The following CDH18 variants were observed in gnomAD, a reference collection of about 807,000 sequenced individuals.
CDH18 encodes the protein cadherin 18.
CDH18 carries 31 observed loss-of-function variants against 67.9 expected under a neutral mutation model. The observed-to-expected ratio is 0.46, with a 90% CI of 0.34 to 0.62. CDH18 has a LOEUF of 0.62. Ranked by LOEUF, CDH18 falls within the 20% of genes least tolerant of loss-of-function variation. CDH18 has a pLI of 0.01. For synonymous variants in CDH18, 362 were observed against 347.2 expected (o/e 1.04, Z -0.48); for missense variants, 890 against 975.5 (o/e 0.91, Z 1.17).
intron 1 of CDH18, among the ~76,000 whole-genome samples, chr5:20,419,986 T>C (rs1747731152): frequency 1.3e-5 from 2 of 151,104 alleles, no homozygotes; most frequent in African/African-American, 4.9e-5. Flanking sequence ...ATATTTTCGA[T>C]TTATCCAACA....
chr5:20,210,568 T>C lies in CDH18; in HGVS notation c.-518+44876A>G, dbSNP rs969267578. 9.2e-5 allele frequency among the ~76,000 whole-genome samples: 14 copies of C among 151,982 alleles called. 1 individual carries two copies. Among genetic ancestry groups the C allele is most frequent in the African/African-American group, 3.1e-4 (13 of 41,448 alleles). ...TTTTAAATTTGCTTTTGAGTAGTAGTTCTGAAATTATTTAAGGTTTTGATA... is the reference window on the plus strand; with the variant it reads ...TTTTAAATTTGCTTTTGAGTAGTAGCTCTGAAATTATTTAAGGTTTTGATA... On this transcript the variant is annotated intron_variant, in intron 2 of 14. Coordinates refer to the CDH18 transcript ENST00000507958.
chr5:20,429,236 T>G (rs10062513), intron 1 of CDH18, among the ~76,000 whole-genome samples: 2 of 151,962 alleles, frequency 1.3e-5, no homozygotes, highest in Non-Finnish European at 2.9e-5. Flanking sequence ...AACACTTTTC[T>G]TACCACAAGG....
In CDH18 at chr5:20,192,104, G is replaced by T. The variant is rs370957914; in HGVS notation, c.-518+63340C>A. On this transcript the variant is annotated intron_variant, in intron 2 of 14. Transcript: ENST00000507958. ...TGGTTTTGATTTGCATTTCTCTGAT[G>T]ATCAGTGATATTGAGCTTTTTTTCA... Among the ~76,000 whole-genome samples the T allele has an allele frequency of 3.0e-4, 45 of 151,988 alleles. No homozygotes were observed. In the East Asian group the frequency reaches 4.1e-3, roughly 14 times the overall value.
intron 9 of CDH18, among the ~76,000 whole-genome samples, chr5:19,537,000 T>A (rs1469251800): frequency 6.6e-6 from 1 of 152,216 alleles, no homozygotes; most frequent in Non-Finnish European, 1.5e-5. Context: ...CAGTCTATGG[T>A]ACTGTGATGG....
chr5:19,952,994 T>C (rs367555675), intron 2 of CDH18, among the ~76,000 whole-genome samples: 10 of 152,030 alleles, frequency 6.6e-5, no homozygotes, highest in African/African-American at 2.4e-4. Context: ...AGCAAACACA[T>C]ATTTATCTAC....
rs557247336 is a variant in CDH18, at chr5:19,837,191, T to A, written c.228+1568A>T. On this transcript the variant is annotated intron_variant, in intron 3 of 12. Coordinates refer to ENST00000382275, the MANE Select transcript of CDH18 (RefSeq NM_004934.5). ...ACCAAACACCACATGTTCTCACTCA[T>A]AAGTGGGGGTTGAACAATGAGAACA... Among the ~76,000 whole-genome samples, 45 of 152,020 alleles carry A rather than the reference T, an allele frequency of 3.0e-4. 1 individual carries two copies. Among genetic ancestry groups the A allele is most frequent in the Non-Finnish European group, 5.3e-4 (36 of 67,988 alleles).
chr5:20,256,834 G>A (rs2973205), intron 1 of CDH18, among the ~76,000 whole-genome samples: 40 of 152,096 alleles, frequency 2.6e-4, no homozygotes, highest in African/African-American at 9.4e-4. Context: ...TAAAGTCAGG[G>A]AAATGAGAAA....
At chr5:20,112,298 A>G (rs1219085443) in intron 2 of CDH18, among the ~76,000 whole-genome samples, 1 of 152,236 alleles carries the variant, frequency 6.6e-6, no homozygotes, top group Non-Finnish European at 1.5e-5. Flanking sequence ...AAAGTAAAAA[A>G]CAACTATTCA....
intron 5 of CDH18, among the ~76,000 whole-genome samples, chr5:19,680,993 CGAT>C (rs1161433144): frequency 6.6e-6 from 1 of 151,816 alleles, no homozygotes; most frequent in Non-Finnish European, 1.5e-5. Context: ...TTTATAATAG[CGAT>C]GACGTGGAAT....
chr5:19,716,367 A>G (rs1581028166), intron 5 of CDH18, among the ~76,000 whole-genome samples: 1 of 152,132 alleles, frequency 6.6e-6, no homozygotes, highest in Admixed American at 6.6e-5. Context: ...TTCAGAAAAA[A>G]TATTTATAAT....
chr5:20,083,599 C>T (rs1048683230), intron 2 of CDH18, among the ~76,000 whole-genome samples: 5 of 152,110 alleles, frequency 3.3e-5, no homozygotes, highest in Admixed American at 2.6e-4. Context: ...ACTGACATGC[C>T]ACAATATTAA....
chr5:19,879,994 C>T (rs761394784), intron 2 of CDH18, among the ~76,000 whole-genome samples: 8 of 151,946 alleles, frequency 5.3e-5, no homozygotes, highest in Admixed American at 2.6e-4. Context: ...AAGCCAAATC[C>T]TAATGTATTT....
intron 8 of CDH18, among the ~76,000 whole-genome samples, chr5:19,555,111 T>C (rs1430056450): frequency 1.3e-5 from 2 of 152,184 alleles, no homozygotes; most frequent in East Asian, 1.9e-4. Context: ...AAATGGTACT[T>C]CAGACGTTGT....
intron 1 of CDH18, among the ~76,000 whole-genome samples, chr5:20,408,240 C>T (rs1400483636): frequency 6.6e-6 from 1 of 152,014 alleles, no homozygotes; most frequent in Non-Finnish European, 1.5e-5. Context: ...CTAGACTTAC[C>T]TTACAGGAAA....
chr5:19,780,373 C>T (rs754574015), intron 3 of CDH18, among the ~76,000 whole-genome samples: 14 of 152,044 alleles, frequency 9.2e-5, no homozygotes, highest in Non-Finnish European at 1.9e-4. Flanking sequence ...TTTTTCCATT[C>T]TTTGTAAAAT....
intron 1 of CDH18, among the ~76,000 whole-genome samples, chr5:20,365,585 C>A (rs1359240772): frequency 1.3e-5 from 2 of 152,044 alleles, no homozygotes; most frequent in Non-Finnish European, 2.9e-5. Flanking sequence ...TGTTTATTGT[C>A]ATGTTTCCTT....
At chr5:20,078,167 G>A (rs892370076) in intron 2 of CDH18, among the ~76,000 whole-genome samples, 3 of 152,158 alleles carry the variant, frequency 2.0e-5, no homozygotes, top group African/African-American at 7.2e-5. Context: ...TACTGTGTAA[G>A]ATGTTCACTT....
chr5:20,304,489 T>C lies in CDH18; in HGVS notation c.-579-48984A>G, dbSNP rs1736242934. On this transcript the variant is annotated intron_variant, in intron 1 of 14. Transcript: ENST00000507958. ...TGTCACCTTCCGCTTGGCCCTCCAA[T>C]GGTTTAGTGCGAAATGGTGAAGAGA... 3 of 1,589,140 alleles carry C rather than the reference T, an allele frequency of 1.9e-6. No homozygotes were observed. The African/African-American group carries it at 4.0e-5, about 21-fold the overall frequency.
intron 2 of CDH18, among the ~76,000 whole-genome samples, chr5:20,062,461 T>C (rs1031171772): frequency 1.3e-5 from 2 of 152,020 alleles, no homozygotes; most frequent in Non-Finnish European, 1.5e-5. Flanking sequence ...CCAAAACAAA[T>C]ACAGCAGCAT....
Sources: allele counts gnomAD v4.1 joint callset (sites outside exome capture counted in the v4.1 genomes callset), GRCh38; gene constraint gnomAD v4.1.1; transcripts MANE v1.5; gene names NCBI Gene and HGNC (gene_info 2026-07-23, HGNC 2026-07-21).